MORC1: variants seen among roughly 807,000 people sequenced by gnomAD.
The protein encoded by MORC1 is MORC family CW-type zinc finger protein 1.
Under a neutral mutation model 134.9 loss-of-function variants are expected in MORC1, and 59 were observed. The ratio of observed to expected loss-of-function variants is 0.44; its 90% CI spans 0.35 to 0.54. The LOEUF (loss-of-function observed/expected upper bound fraction) is 0.54, where lower values mean the gene tolerates loss of function less well. Among genes scored for constraint, MORC1 ranks in the 20% least tolerant of loss-of-function variants. The pLI is 0.00. For synonymous variants in MORC1, 395 were observed against 391.7 expected (o/e 1.01, Z -0.10); for missense variants, 947 against 1,134.5 (o/e 0.83, Z 2.37).
At chr3:109,104,080 C>T (rs1950978201) in intron 3 of MORC1, among the ~76,000 whole-genome samples, 163 bp from the exon 4 acceptor site, 1 of 152,148 alleles carries the variant, frequency 6.6e-6, no homozygotes, top group Non-Finnish European at 1.5e-5. Flanking sequence ...TACAGCTTCA[C>T]AAGAAACTGC....
At chr3:108,976,421 A>G (rs1325421239) in intron 24 of MORC1, among the ~76,000 whole-genome samples, 1 of 152,194 alleles carries the variant, frequency 6.6e-6, no homozygotes, top group African/African-American at 2.4e-5. Flanking sequence ...CATGCCTTGA[A>G]AAACTAAAAG....
intron 23 of MORC1, among the ~76,000 whole-genome samples, chr3:108,984,377 G>GA (rs199900311): frequency 7.2e-4 from 109 of 150,886 alleles, no homozygotes; most frequent in East Asian, 1.6e-3. Flanking sequence ...GAACCACAGA[G>GA]AAAAAAAAAT....
In MORC1 at chr3:108,962,561, G is replaced by A. The variant is rs1019720542; in HGVS notation, c.2799+853C>T. ...AGTTCTTGTCCCCTCACCTTGCATG[G>A]CCCAGGAAGGCTCTGTCTCCTGTTC... On this transcript the variant is annotated intron_variant, in intron 27 of 27. Transcript: ENST00000232603. Among the ~76,000 whole-genome samples, 12 of 152,016 alleles carry A rather than the reference G, an allele frequency of 7.9e-5. 1 individual carries two copies. Among genetic ancestry groups the A allele is most frequent in the Non-Finnish European group, 1.5e-5 (1 of 68,018 alleles).
chr3:109,040,526 GAAAT>G (rs1366888554), intron 14 of MORC1, among the ~76,000 whole-genome samples: 3 of 151,256 alleles, frequency 2.0e-5, no homozygotes, highest in Admixed American at 6.6e-5. Flanking sequence ...AAGAAACAAA[GAAAT>G]AAAGAAAGAA....
chr3:109,027,768 C>T lies in MORC1; in HGVS notation c.1687G>A (p.Ala563Thr), dbSNP rs1949117059. The change falls in exon 17 of 28, where the codon GCA (alanine) becomes ACA (threonine). Residue 563 changes from alanine to threonine, a missense_variant. Ala to Thr is a moderately conservative substitution (Grantham distance 58). Transcript: ENST00000232603. The stretch of plus-strand genomic sequence containing the variant: ...CAACTCACCTGTGGCTGCTGTTCTG[C>T]CAGTCTATTTTGATACTTTATGACC... ...ESVIKYQNRL[A>T]EQQPQPQFIP... 6 of 1,613,630 alleles carry T rather than the reference C, an allele frequency of 3.7e-6. No homozygotes were observed. Among genetic ancestry groups the T allele is most frequent in the Non-Finnish European group, 4.2e-6 (5 of 1,179,818 alleles).
chr3:109,093,899 T>C (rs1950777563), intron 7 of MORC1, among the ~76,000 whole-genome samples: 1 of 152,256 alleles, frequency 6.6e-6, no homozygotes, highest in African/African-American at 2.4e-5. Context: ...TTGGTAGTAC[T>C]GAATTTAACA....
At chr3:109,013,674 G>C (rs1488040192) in intron 17 of MORC1, among the ~76,000 whole-genome samples, 3 of 152,108 alleles carry the variant, frequency 2.0e-5, no homozygotes, top group African/African-American at 7.2e-5. Context: ...GCATCATCTT[G>C]ATTGCTTTGA....
chr3:109,039,689 T>C (rs1949465236), intron 14 of MORC1, among the ~76,000 whole-genome samples: 2 of 152,184 alleles, frequency 1.3e-5, no homozygotes, highest in South Asian at 4.1e-4. Flanking sequence ...CACAGCTTGC[T>C]GAAATTAGGG....
intron 9 of MORC1, among the ~76,000 whole-genome samples, chr3:109,066,785 G>A (rs2107698588): frequency 6.6e-6 from 1 of 152,248 alleles, no homozygotes; most frequent in African/African-American, 2.4e-5. Context: ...TAACCTCAGT[G>A]GCAGAGGAAT....
intron 3 of MORC1, among the ~76,000 whole-genome samples, chr3:109,106,355 A>T (rs1256187603): frequency 1.3e-5 from 2 of 152,192 alleles, no homozygotes; most frequent in East Asian, 3.9e-4. Flanking sequence ...TCAGACATAT[A>T]CTACAGTATC....
chr3:109,004,568 T>C (rs1011287209), intron 20 of MORC1, among the ~76,000 whole-genome samples: 2 of 152,200 alleles, frequency 1.3e-5, no homozygotes, highest in Admixed American at 1.3e-4. Flanking sequence ...GTGATTCTTT[T>C]CAAAGAAGTA....
At chr3:109,085,389 T>C (rs1042685603) in intron 8 of MORC1, among the ~76,000 whole-genome samples, 11 of 152,062 alleles carry the variant, frequency 7.2e-5, no homozygotes, top group African/African-American at 2.2e-4. Flanking sequence ...CCAGAATATA[T>C]AAGAAGCTCA....
At chr3:109,040,991 G>C (rs988247603) in intron 14 of MORC1, among the ~76,000 whole-genome samples, 1 of 151,600 alleles carries the variant, frequency 6.6e-6, no homozygotes, top group Non-Finnish European at 1.5e-5. Flanking sequence ...ATCACTAGAG[G>C]GATACAGAGT....
chr3:109,058,775 T>C (rs770602675), intron 12 of MORC1, among the ~76,000 whole-genome samples: 38 of 152,086 alleles, frequency 2.5e-4, no homozygotes, highest in Admixed American at 1.1e-3. Flanking sequence ...TATTACAGGA[T>C]ACGACATAGT....
At chr3:109,007,382 C>G (rs1948566096) in intron 17 of MORC1, among the ~76,000 whole-genome samples, 1 of 152,124 alleles carries the variant, frequency 6.6e-6, no homozygotes, top group Non-Finnish European at 1.5e-5. Flanking sequence ...GCCTCCACAG[C>G]CCTTGTCTCT....
intron 8 of MORC1, among the ~76,000 whole-genome samples, chr3:109,079,149 T>C (rs1242760147): frequency 6.6e-6 from 1 of 151,940 alleles, no homozygotes; most frequent in Non-Finnish European, 1.5e-5. Flanking sequence ...TACCAATCAA[T>C]ACTAAATAAG....
intron 12 of MORC1, 122 bp downstream of exon 12, chr3:109,059,684 A>G: frequency 1.4e-6 from 1 of 695,286 alleles, no homozygotes; most frequent in Non-Finnish European, 2.3e-6. Flanking sequence ...GTTTCAGATT[A>G]TAAGATGTCA....
chr3:109,055,660 C>T (rs182223422), intron 13 of MORC1, among the ~76,000 whole-genome samples: 7 of 152,320 alleles, frequency 4.6e-5, no homozygotes, highest in African/African-American at 1.7e-4. Flanking sequence ...ATGCTCACCT[C>T]TAACATAACA....
chr3:109,049,451 C>A (rs1489364557), intron 14 of MORC1, among the ~76,000 whole-genome samples: 1 of 152,080 alleles, frequency 6.6e-6, no homozygotes, highest in Non-Finnish European at 1.5e-5. Flanking sequence ...TCCTATGCAA[C>A]AGGGTTTACA....
Sources: gnomAD v4.1 joint callset for allele counts (sites outside exome capture counted in the v4.1 genomes callset) on GRCh38, gnomAD v4.1.1 for gene constraint, MANE v1.5 for transcripts, NCBI Gene and HGNC (gene_info 2026-07-23, HGNC 2026-07-21) for gene names.